Variants in EXOC4 observed in about 807,000 individuals in gnomAD.
EXOC4 encodes exocyst complex component 4.
A neutral mutation model predicts 107.2 loss-of-function variants in EXOC4; 71 were observed. That is an observed-to-expected ratio of 0.66 (90% CI 0.55 to 0.81). The LOEUF (loss-of-function observed/expected upper bound fraction) is 0.81, where lower values mean the gene tolerates loss of function less well. EXOC4 is among the 30% of genes least tolerant of loss of function. EXOC4 has a pLI of 0.00. For synonymous variants in EXOC4, 456 were observed against 441.2 expected (o/e 1.03, Z -0.42); for missense variants, 1,108 against 1,189.6 (o/e 0.93, Z 1.01).
chr7:133,423,473 T>C (rs551111508), intron 7 of EXOC4, among the ~76,000 whole-genome samples: 1 of 152,216 alleles, frequency 6.6e-6, no homozygotes, highest in Admixed American at 6.5e-5. Context: ...ATTTGGTGAT[T>C]GTGTAGGTGT....
At chr7:134,084,758 C>A in the EXOC4 span, among the ~76,000 whole-genome samples, 1 of 150,986 alleles carries the variant, frequency 6.6e-6, no homozygotes, top group South Asian at 2.1e-4. Context: ...CTCCCCACCC[C>A]CTTAATTCCA....
Position 133,869,888 on chromosome 7 carries a change from C to T in EXOC4, c.1735-25711C>T, listed in dbSNP as rs76181041. ...AGCTAACTCCCAGTTCAATCCACAGCTTGCCACTTGGGATCTGGAAGCTAG... is the reference window on the plus strand; with the variant it reads ...AGCTAACTCCCAGTTCAATCCACAGTTTGCCACTTGGGATCTGGAAGCTAG... On this transcript the variant is annotated intron_variant, in intron 11 of 17. Coordinates refer to ENST00000253861, the MANE Select transcript of EXOC4 (RefSeq NM_021807.4). Among the ~76,000 whole-genome samples, 4 of 152,314 alleles carry T rather than the reference C, an allele frequency of 2.6e-5. No individual in the cohort carries two copies. The East Asian group carries it at 7.7e-4, about 29-fold the overall frequency.
At chr7:133,590,339 G>A (rs180952744) in intron 9 of EXOC4, among the ~76,000 whole-genome samples, 3 of 152,070 alleles carry the variant, frequency 2.0e-5, no homozygotes, top group African/African-American at 7.2e-5. Context: ...ACCTAGGATG[G>A]AGTGCAGTGT....
At chr7:133,255,188 T>G (rs560870832) in intron 1 of EXOC4, among the ~76,000 whole-genome samples, 1 of 151,790 alleles carries the variant, frequency 6.6e-6, no homozygotes, top group South Asian at 2.1e-4. Context: ...TTTCTTTTCT[T>G]TTTTTTTGAG....
Position 133,380,239 on chromosome 7 carries a change from AAAAATAAAATAAAATAAAATAAAAT to A in EXOC4, c.1182+5268_1182+5292del, listed in dbSNP as rs10688501. Among the ~76,000 whole-genome samples the A allele has an allele frequency of 8.0e-5, 11 of 137,748 alleles. 1 individual carries two copies. Among genetic ancestry groups the A allele is most frequent in the African/African-American group, 1.3e-4 (5 of 37,624 alleles). The allele number at this position is 137,748 out of a possible 152,430, so 90.4% of individuals were successfully genotyped here. A position where few individuals can be genotyped will look rare whatever the true frequency, so the allele number is the denominator to read the frequency against. On this transcript the variant is annotated intron_variant, in intron 7 of 17. Transcript: ENST00000253861. ...TGTACCCTAGAACTTAAAGTATAAT[AAAAATAAAATAAAATAAAATAAAAT>A]AAAATAAAATAAAATAAAATAAAAT...
intron 3 of EXOC4, among the ~76,000 whole-genome samples, chr7:133,299,024 T>C (rs1322725951): frequency 2.0e-5 from 3 of 152,164 alleles, no homozygotes; most frequent in Non-Finnish European, 4.4e-5. Flanking sequence ...AAAAAACATG[T>C]TTAAAAACAA....
At chr7:133,265,795 GCTAA>G (rs1793714560) in intron 1 of EXOC4, among the ~76,000 whole-genome samples, 1 of 152,142 alleles carries the variant, frequency 6.6e-6, no homozygotes. Flanking sequence ...ATGACTTAAT[GCTAA>G]CTATTCTGCA....
intron 10 of EXOC4, among the ~76,000 whole-genome samples, chr7:133,675,666 TA>T: frequency 6.6e-6 from 1 of 152,316 alleles, no homozygotes; most frequent in East Asian, 1.9e-4. Context: ...TAGAGCAGAC[TA>T]CATATCTGAT....
chr7:133,952,957 G>T (rs2116799911), intron 14 of EXOC4, among the ~76,000 whole-genome samples: 1 of 152,224 alleles, frequency 6.6e-6, no homozygotes, highest in Non-Finnish European at 1.5e-5. Context: ...CTGTAACATG[G>T]GTGGACAAAT....
At chr7:133,903,812 A>G (rs6950081) in intron 12 of EXOC4, among the ~76,000 whole-genome samples, 94,227 of 152,074 alleles carry the variant, frequency 0.62, 31,622 homozygotes, top group African/African-American at 0.89. Context: ...GAAGAGGACC[A>G]TGGACTTTTA....
intron 10 of EXOC4, among the ~76,000 whole-genome samples, chr7:133,666,482 T>C (rs1793816306): frequency 6.6e-6 from 1 of 152,116 alleles, no homozygotes; most frequent in Non-Finnish European, 1.5e-5. Context: ...TTGTAGAGTA[T>C]AGAGATGCTG....
chr7:134,040,077 GTT>G (rs1401061148), intron 17 of EXOC4, among the ~76,000 whole-genome samples: 13 of 152,084 alleles, frequency 8.5e-5, no homozygotes, highest in Admixed American at 3.3e-4. Flanking sequence ...ACATAGACTT[GTT>G]GACTCTTTCT....
At chr7:133,888,330 A>G (rs949196563) in intron 11 of EXOC4, among the ~76,000 whole-genome samples, 1 of 152,200 alleles carries the variant, frequency 6.6e-6, no homozygotes, top group Admixed American at 6.6e-5. Context: ...CAAGACTGGA[A>G]AAGTATTTTT....
intron 10 of EXOC4, among the ~76,000 whole-genome samples, chr7:133,725,742 A>G (rs2151111466): frequency 6.6e-6 from 1 of 152,340 alleles, no homozygotes; most frequent in African/African-American, 2.4e-5. Context: ...ATGTAAATGA[A>G]CTAGCATGGT....
At chr7:133,346,203 G>A (rs969128402) in intron 5 of EXOC4, among the ~76,000 whole-genome samples, 11 of 152,274 alleles carry the variant, frequency 7.2e-5, no homozygotes, top group African/African-American at 2.4e-4. Flanking sequence ...TCCAACCTAG[G>A]TAGGCCCTTG....
At chr7:133,973,242 C>G (rs941723768) in intron 14 of EXOC4, among the ~76,000 whole-genome samples, 1 of 152,040 alleles carries the variant, frequency 6.6e-6, no homozygotes, top group Non-Finnish European at 1.5e-5. Flanking sequence ...ATGGAAAAAG[C>G]ACAACATATA....
intron 12 of EXOC4, among the ~76,000 whole-genome samples, chr7:133,910,697 C>T (rs1482260625): frequency 6.6e-6 from 1 of 152,312 alleles, no homozygotes; most frequent in Admixed American, 6.5e-5. Context: ...ACTGCGGTTT[C>T]GTCTGCTGCA....
At chr7:134,021,821 T>G (rs1795037695) in intron 17 of EXOC4, among the ~76,000 whole-genome samples, 1 of 151,696 alleles carries the variant, frequency 6.6e-6, no homozygotes, top group African/African-American at 2.4e-5. Flanking sequence ...AATGGATCAA[T>G]TGCCTCAACT....
intron 17 of EXOC4, among the ~76,000 whole-genome samples, chr7:134,050,808 A>G (rs182338233): frequency 6.6e-6 from 1 of 152,308 alleles, no homozygotes; most frequent in East Asian, 1.9e-4. Flanking sequence ...TGTTAGCACT[A>G]GTGAACACAC....
Sources: gnomAD v4.1 joint callset for allele counts (sites outside exome capture counted in the v4.1 genomes callset) on GRCh38, gnomAD v4.1.1 for gene constraint, MANE v1.5 for transcripts, NCBI Gene and HGNC (gene_info 2026-07-23, HGNC 2026-07-21) for gene names.